The following PTGER3 variants were observed in gnomAD, a reference collection of about 807,000 sequenced individuals.
PTGER3 encodes the protein prostaglandin E2 receptor EP3 subtype.
PTGER3 carries 22 observed loss-of-function variants against 34.7 expected under a neutral mutation model. The ratio of observed to expected loss-of-function variants is 0.63; its 90% CI spans 0.45 to 0.91. PTGER3 has a LOEUF of 0.91. Among genes scored for constraint, PTGER3 ranks in the 40% least tolerant of loss-of-function variants. The pLI is 0.00. For missense variants in PTGER3, 468 were observed against 519.4 expected, an observed-to-expected ratio of 0.90 and a Z score of 0.96; for synonymous variants, 241 against 230.1, an observed-to-expected ratio of 1.05 and a Z score of -0.43.
At chr1:71,039,041 T>G (rs1450260254) in intron 1 of PTGER3, among the ~76,000 whole-genome samples, 1 of 152,180 alleles carries the variant, frequency 6.6e-6, no homozygotes. Context: ...AGAGCTCACA[T>G]GAGAGGCTGT....
At chr1:70,973,229 AG>A (rs1653307247) in intron 3 of PTGER3, among the ~76,000 whole-genome samples, 1 of 57,090 alleles carries the variant, frequency 1.8e-5, no homozygotes, top group African/African-American at 6.0e-5. Flanking sequence ...GATGATAGAT[AG>A]ATAGATAGAT....
chr1:70,861,086 T>C (rs536481998), intron 4 of PTGER3, among the ~76,000 whole-genome samples: 1 of 152,222 alleles, frequency 6.6e-6, no homozygotes, highest in South Asian at 2.1e-4. Flanking sequence ...AAGTGACAAT[T>C]AAGTTTACTG....
At chr1:70,987,422 A>G (rs944103562) in intron 2 of PTGER3, among the ~76,000 whole-genome samples, 1 of 152,254 alleles carries the variant, frequency 6.6e-6, no homozygotes, top group African/African-American at 2.4e-5. Flanking sequence ...AGCTCAGATA[A>G]AAAGAAAATA....
chr1:70,852,953 C>T, intron 4 of PTGER3: 1 of 1,379,892 alleles, frequency 7.2e-7, no homozygotes, highest in Admixed American at 1.7e-5. Context: ...TCATAAATTT[C>T]AGATTATGAA....
chr1:71,025,096 G>C (rs939256888), intron 1 of PTGER3, among the ~76,000 whole-genome samples: 1 of 113,034 alleles, frequency 8.8e-6, no homozygotes, highest in African/African-American at 3.6e-5. Flanking sequence ...GCCACAGGAA[G>C]GGGAACATCA....
intron 4 of PTGER3, among the ~76,000 whole-genome samples, chr1:70,878,377 T>A (rs775322844): frequency 1.3e-5 from 2 of 152,120 alleles, no homozygotes; most frequent in Admixed American, 6.6e-5. Flanking sequence ...TCTTTATTAG[T>A]CTAGCTCATG....
chr1:71,047,510 C>G lies in PTGER3; in HGVS notation c.68G>C (p.Gly23Ala), dbSNP rs1439460877. 1 of 1,602,626 alleles carries G rather than the reference C, an allele frequency of 6.2e-7. No homozygotes were observed. Among genetic ancestry groups the G allele is most frequent in the Non-Finnish European group, 8.5e-7 (1 of 1,176,114 alleles). The change falls in exon 1 of 4, where the codon GGC becomes GCC. Residue 23 changes from glycine to alanine, a missense_variant. By Grantham distance (60) the Gly-to-Ala change is moderately conservative. Around this residue, in one of 5 missense-constraint regions of PTGER3, gnomAD observed 151 missense variants for 133.5 expected, o/e 1.13. Transcript: ENST00000306666. ...FCTRLNHSYT[G>A]MWAPERSAEA... ...GGCGGAACGCTCGGGCGCCCACATG[C>G]CTGTGTAGGAGTGGTTGAGGCGGGT...
chr1:70,972,996 A>G (rs1349598980), intron 3 of PTGER3, among the ~76,000 whole-genome samples: 1 of 152,048 alleles, frequency 6.6e-6, no homozygotes, highest in African/African-American at 2.4e-5. Flanking sequence ...TTACTTTAAA[A>G]AATTAAAAAT....
At chr1:71,044,756 T>C (rs1230774531) in intron 1 of PTGER3, among the ~76,000 whole-genome samples, 2 of 152,096 alleles carry the variant, frequency 1.3e-5, no homozygotes, top group Non-Finnish European at 2.9e-5. Flanking sequence ...AAAAACAAAA[T>C]GCACAAACAA....
At chr1:70,917,886 A>C (rs562814238) in intron 4 of PTGER3, among the ~76,000 whole-genome samples, 1 of 152,148 alleles carries the variant, frequency 6.6e-6, no homozygotes, top group African/African-American at 2.4e-5. Flanking sequence ...CAATTTTAAA[A>C]ATGGAATTAT....
At chr1:70,981,315 CCT>C (rs1305978366) in intron 2 of PTGER3, among the ~76,000 whole-genome samples, 3 of 95,726 alleles carry the variant, frequency 3.1e-5, no homozygotes, top group South Asian at 3.7e-4. Flanking sequence ...TTCCTTCCTT[CCT>C]TTCTTCTTTC....
In PTGER3 at chr1:71,012,488, A is replaced by C; in HGVS notation, c.898-4T>G. ...AGATCATTTTCAACATCATTATCTA[A>C]GAAAAGGGGACAAATAATTGTTTCA... On this transcript the variant is annotated splice_region_variant and splice_polypyrimidine_tract_variant and intron_variant, in intron 1 of 3. Transcript: ENST00000306666. 1 of 1,608,340 alleles carries C rather than the reference A, an allele frequency of 6.2e-7. No homozygotes were observed. Among genetic ancestry groups the C allele is most frequent in the South Asian group, 1.1e-5 (1 of 90,918 alleles).
chr1:70,959,325 T>C lies in PTGER3; in HGVS notation c.1078-5536A>G, dbSNP rs141002115. 8.0e-5 allele frequency among the ~76,000 whole-genome samples: 12 copies of C among 150,880 alleles called. No individual in the cohort carries two copies. In the East Asian group the frequency reaches 2.2e-3, roughly 27 times the overall value. ...TTCTCCAATCCATGAACATAGGATA[T>C]CTTTCAATTTATTTGTGTCCTCTTC... On this transcript the variant is annotated intron_variant, in intron 2 of 3. Transcript: ENST00000356595.
chr1:70,901,453 T>C (rs1436707077), intron 4 of PTGER3, among the ~76,000 whole-genome samples: 7 of 152,208 alleles, frequency 4.6e-5, no homozygotes, highest in Admixed American at 2.6e-4. Context: ...AGTTGTATTA[T>C]AGTAGAAATA....
intron 4 of PTGER3, among the ~76,000 whole-genome samples, chr1:70,909,817 T>C (rs17541777): frequency 0.11 from 17,499 of 152,294 alleles, 1,321 homozygotes; most frequent in Middle Eastern, 0.27. Context: ...GAAAAATGTT[T>C]CAAGAAGGCT....
At chr1:70,996,639 T>TTTTTTTATTTA (rs774610328) in intron 2 of PTGER3, among the ~76,000 whole-genome samples, 6 of 122,752 alleles carry the variant, frequency 4.9e-5, no homozygotes, top group African/African-American at 1.8e-4. Context: ...TTTTTTGTAT[T>TTTTTTTATTTA]TTTATTTATT....
At chr1:70,862,627 G>A (rs1264950804) in intron 4 of PTGER3, among the ~76,000 whole-genome samples, 2 of 152,126 alleles carry the variant, frequency 1.3e-5, no homozygotes, top group African/African-American at 4.8e-5. Context: ...GAATGCTCTA[G>A]ACCAGAAAAC....
intron 1 of PTGER3, among the ~76,000 whole-genome samples, chr1:71,045,599 A>G (rs1214134286): frequency 6.6e-6 from 1 of 152,156 alleles, no homozygotes; most frequent in African/African-American, 2.4e-5. Context: ...CCTCAAAAAT[A>G]TCACGTAAGG....
At chr1:70,900,659 A>T (rs1385506067) in intron 4 of PTGER3, among the ~76,000 whole-genome samples, 1 of 152,186 alleles carries the variant, frequency 6.6e-6, no homozygotes, top group Non-Finnish European at 1.5e-5. Context: ...TTGGCACGTC[A>T]TTAAGACAGG....
Sources: allele counts gnomAD v4.1 joint callset (sites outside exome capture counted in the v4.1 genomes callset), GRCh38; gene constraint gnomAD v4.1.1; regional missense constraint gnomAD v4.1.1; transcripts MANE v1.5; gene names NCBI Gene and HGNC (gene_info 2026-07-23, HGNC 2026-07-21).